SMYD3: variants seen among roughly 807,000 people sequenced by gnomAD.
SMYD3 encodes the protein SET and MYND domain containing 3, also known as histone-lysine N-methyltransferase SMYD3.
SMYD3 carries 36 observed loss-of-function variants against 57.7 expected under a neutral mutation model. The ratio of observed to expected loss-of-function variants is 0.62; its 90% CI spans 0.48 to 0.82. The LOEUF is 0.82. Among genes scored for constraint, SMYD3 ranks in the 40% least tolerant of loss-of-function variants. The pLI is 0.00. For synonymous variants in SMYD3, 211 were observed against 195.0 expected (o/e 1.08, Z -0.68); for missense variants, 515 against 538.8 (o/e 0.96, Z 0.44).
chr1:246,223,904 A>T (rs1217100039), intron 5 of SMYD3, among the ~76,000 whole-genome samples: 1 of 152,180 alleles, frequency 6.6e-6, no homozygotes, highest in Non-Finnish European at 1.5e-5. Context: ...ACATCATAGC[A>T]TTCAATTTGG....
intron 1 of SMYD3, among the ~76,000 whole-genome samples, chr1:246,493,339 G>A (rs1490483682): frequency 2.0e-5 from 3 of 151,996 alleles, no homozygotes; most frequent in African/African-American, 7.2e-5. Context: ...GGAGTAGGAG[G>A]AGGCAGCTGT....
At chr1:246,066,190 A>G (rs946237630) in intron 5 of SMYD3, among the ~76,000 whole-genome samples, 5 of 152,198 alleles carry the variant, frequency 3.3e-5, no homozygotes, top group Non-Finnish European at 7.3e-5. Flanking sequence ...TTATGAATTC[A>G]TTACAGATTT....
At chr1:245,959,097 T>C (rs954816366) in intron 5 of SMYD3, among the ~76,000 whole-genome samples, 2 of 152,040 alleles carry the variant, frequency 1.3e-5, no homozygotes, top group African/African-American at 4.8e-5. Context: ...TGTTTTTGTT[T>C]TTTTAAGGAG....
At chr1:246,234,541 G>A (rs911238957) in intron 5 of SMYD3, among the ~76,000 whole-genome samples, 2 of 152,012 alleles carry the variant, frequency 1.3e-5, no homozygotes, top group Non-Finnish European at 2.9e-5. Flanking sequence ...CCGTATAGAG[G>A]AGAAGCACTC....
At chr1:246,300,374 A>G (rs557615803) in intron 5 of SMYD3, among the ~76,000 whole-genome samples, 1 of 152,310 alleles carries the variant, frequency 6.6e-6, no homozygotes, top group Non-Finnish European at 1.5e-5. Context: ...ACTTAGATGT[A>G]TTAAAGGTAA....
chr1:245,858,378 G>T, intron 10 of SMYD3, 118 bp downstream of exon 10: 1 of 1,024,364 alleles, frequency 9.8e-7, no homozygotes, highest in Non-Finnish European at 1.4e-6. Flanking sequence ...AACAATGGTT[G>T]AGAAGCAGCT....
At chr1:246,434,740 A>G (rs1368735525) in intron 1 of SMYD3, among the ~76,000 whole-genome samples, 3 of 152,234 alleles carry the variant, frequency 2.0e-5, no homozygotes, top group African/African-American at 7.2e-5. Context: ...CAGTTTGGAG[A>G]TTTCTCAAAG....
intron 5 of SMYD3, among the ~76,000 whole-genome samples, chr1:246,254,038 G>C (rs1428103111): frequency 1.3e-5 from 2 of 151,824 alleles, no homozygotes; most frequent in African/African-American, 2.4e-5. Context: ...CTTAATAATA[G>C]GCATTCTATT....
intron 5 of SMYD3, among the ~76,000 whole-genome samples, chr1:246,148,907 C>T (rs986883162): frequency 2.6e-5 from 4 of 152,198 alleles, no homozygotes; most frequent in African/African-American, 9.7e-5. Flanking sequence ...TAGCTTAGTG[C>T]ACTTGAAGGC....
At chr1:246,434,884 C>T (rs1046982481) in intron 1 of SMYD3, among the ~76,000 whole-genome samples, 8 of 152,120 alleles carry the variant, frequency 5.3e-5, no homozygotes, top group African/African-American at 1.9e-4. Flanking sequence ...TAGCAAAAAA[C>T]ACGGAACTAA....
At chr1:246,382,939 G>A (rs2066413578) in intron 1 of SMYD3, among the ~76,000 whole-genome samples, 1 of 152,148 alleles carries the variant, frequency 6.6e-6, no homozygotes, top group African/African-American at 2.4e-5. Context: ...ACATGCTCCA[G>A]GCTCGCACCC....
intron 5 of SMYD3, among the ~76,000 whole-genome samples, chr1:246,023,607 T>C (rs1384304297): frequency 1.3e-5 from 2 of 152,182 alleles, no homozygotes; most frequent in Non-Finnish European, 2.9e-5. Flanking sequence ...ATAAATTGTT[T>C]CACTTTGGGA....
chr1:246,413,191 A>C (rs2067004907), intron 1 of SMYD3, among the ~76,000 whole-genome samples: 1 of 152,216 alleles, frequency 6.6e-6, no homozygotes, highest in African/African-American at 2.4e-5. Context: ...TAATAACCCT[A>C]TGACGTAGGT....
chr1:246,396,831 C>A (rs1291982990), intron 1 of SMYD3, among the ~76,000 whole-genome samples: 1 of 152,218 alleles, frequency 6.6e-6, no homozygotes, highest in African/African-American at 2.4e-5. Context: ...GTATGGCCTA[C>A]AGAATCATTA....
rs1017223535 is a variant in SMYD3 at position 246,148,179 on chromosome 1, G to A, written c.531+179022C>T. On this transcript the variant is annotated intron_variant, in intron 5 of 11. Coordinates refer to ENST00000490107, the MANE Select transcript of SMYD3 (RefSeq NM_001167740.2). The stretch of plus-strand genomic sequence containing the variant: ...TCTGGGTGCACATGGAGGACCATGG[G>A]CCAATCGGCAGGAACTTCCTCCCCT... 3.9e-5 allele frequency among the ~76,000 whole-genome samples: 6 copies of A among 152,184 alleles called. 1 individual carries two copies. The South Asian group carries it at 1.2e-3, about 32-fold the overall frequency.
intron 5 of SMYD3, among the ~76,000 whole-genome samples, chr1:245,941,225 C>T (rs1345912172): frequency 6.6e-6 from 1 of 152,052 alleles, no homozygotes; most frequent in Admixed American, 6.6e-5. Context: ...AGAACAAAAC[C>T]GAGTTGGAAA....
chr1:246,332,645 A>C (rs1250226098), intron 3 of SMYD3, among the ~76,000 whole-genome samples: 2 of 152,216 alleles, frequency 1.3e-5, no homozygotes, highest in Non-Finnish European at 2.9e-5. Flanking sequence ...GTCTCTACTA[A>C]AAGTACAAAA....
chr1:246,504,083 T>C (rs940182469), intron 1 of SMYD3, among the ~76,000 whole-genome samples: 34 of 152,076 alleles, frequency 2.2e-4, no homozygotes, highest in African/African-American at 2.4e-5. Context: ...CATTCCTTAA[T>C]GAGAGGAAAA....
intron 10 of SMYD3, among the ~76,000 whole-genome samples, chr1:245,847,779 A>G (rs2050740528): frequency 6.6e-6 from 1 of 152,222 alleles, no homozygotes; most frequent in Admixed American, 6.5e-5. Context: ...TCTATCAGGA[A>G]AGTCAAAGTG....
Sources: gnomAD v4.1 joint callset for allele counts (sites outside exome capture counted in the v4.1 genomes callset) on GRCh38, gnomAD v4.1.1 for gene constraint, MANE v1.5 for transcripts, NCBI Gene and HGNC (gene_info 2026-07-23, HGNC 2026-07-21) for gene names.